The following LINGO2 variants were observed in gnomAD, a reference collection of about 807,000 sequenced individuals.
LINGO2 encodes the protein leucine-rich repeat and immunoglobulin-like domain-containing nogo receptor-interacting protein 2.
In LINGO2, 14 loss-of-function variants were observed where a neutral mutation model predicts 30.6. The ratio of observed to expected loss-of-function variants is 0.46; its 90% confidence interval spans 0.30 to 0.72. LINGO2 has a LOEUF of 0.72. LINGO2 is among the 30% of genes least tolerant of loss of function. The pLI, the probability that LINGO2 is intolerant of heterozygous loss-of-function variation, is 0.07. For missense variants in LINGO2, 729 were observed against 751.7 expected (o/e 0.97, Z 0.35); for synonymous variants, 317 against 288.5 (o/e 1.10, Z -1.00).
chr9:28,717,768 G>A, the LINGO2 span, among the ~76,000 whole-genome samples: 37 of 151,794 alleles, frequency 2.4e-4, no homozygotes, highest in South Asian at 5.0e-3. Context: ...ATGACTCCTC[G>A]CTTCTCAGAT....
intron 4 of LINGO2, among the ~76,000 whole-genome samples, chr9:28,122,544 CA>C (rs1030055701): frequency 1.4e-4 from 21 of 152,146 alleles, no homozygotes; most frequent in African/African-American, 4.3e-4. Flanking sequence ...GAATGAGAAC[CA>C]CAGATGTTTG....
chr9:27,972,103 G>C (rs1433802829), intron 5 of LINGO2, among the ~76,000 whole-genome samples: 1 of 152,040 alleles, frequency 6.6e-6, no homozygotes, highest in Non-Finnish European at 1.5e-5. Flanking sequence ...TTATAAAAAG[G>C]AATTAAAAAA....
chr9:28,263,546 T>C (rs993438344), intron 4 of LINGO2, among the ~76,000 whole-genome samples: 5 of 151,984 alleles, frequency 3.3e-5, no homozygotes, highest in African/African-American at 1.2e-4. Flanking sequence ...AATATCACTT[T>C]CTATTTAATT....
rs562416728 is a variant in LINGO2 at position 27,988,297 on chromosome 9, C to T, written c.-36+24058G>A. ...CAAGTCTTTGCTATTGTGAATAGTG[C>T]CACAATAAACATATGTGTGCATGTG... On this transcript the variant is annotated intron_variant, in intron 5 of 5. Coordinates refer to ENST00000379992, the Ensembl canonical transcript of LINGO2. 2.6e-5 allele frequency among the ~76,000 whole-genome samples: 4 copies of T among 152,084 alleles called. No homozygotes were observed. The South Asian group carries it at 8.3e-4, about 32-fold the overall frequency.
intron 4 of LINGO2, among the ~76,000 whole-genome samples, chr9:28,283,760 T>A (rs996903335): frequency 1.3e-5 from 2 of 152,162 alleles, no homozygotes; most frequent in Non-Finnish European, 2.9e-5. Context: ...AAAATACCTG[T>A]ATTAAGGCTG....
At chr9:28,219,803 G>A (rs1019425872) in intron 4 of LINGO2, among the ~76,000 whole-genome samples, 1 of 152,086 alleles carries the variant, frequency 6.6e-6, no homozygotes, top group Non-Finnish European at 1.5e-5. Flanking sequence ...AAATTATATT[G>A]TGAAATGCTA....
intron 4 of LINGO2, among the ~76,000 whole-genome samples, chr9:28,207,705 G>A (rs1820455678): frequency 6.6e-6 from 1 of 152,102 alleles, no homozygotes; most frequent in African/African-American, 2.4e-5. Flanking sequence ...TCTGGAATAT[G>A]AGATTTATGA....
the LINGO2 span, among the ~76,000 whole-genome samples, chr9:28,871,779 A>C: frequency 6.6e-6 from 1 of 151,950 alleles, no homozygotes; most frequent in African/African-American, 2.4e-5. Flanking sequence ...CTGATGCATT[A>C]ACTGGGTGAA....
Position 28,289,941 on chromosome 9 carries a change from C to T in LINGO2, c.-87+5267G>A, listed in dbSNP as rs183346538. Reference sequence around the variant, plus strand: ...TTCCCCATGCCCTTCATACAAATTCCTCCTGGCTCACTGATGCCTGAAATT... The same window carrying T: ...TTCCCCATGCCCTTCATACAAATTCTTCCTGGCTCACTGATGCCTGAAATT... On this transcript the variant is annotated intron_variant, in intron 4 of 5. Coordinates refer to ENST00000379992, the Ensembl canonical transcript of LINGO2. 5.9e-5 allele frequency among the ~76,000 whole-genome samples: 9 copies of T among 152,294 alleles called. No homozygotes were observed. In the South Asian group the frequency reaches 6.2e-4, roughly 11 times the overall value.
At chr9:29,093,029 G>GTGTATATATATA in the LINGO2 span, among the ~76,000 whole-genome samples, 2 of 98,546 alleles carry the variant, frequency 2.0e-5, no homozygotes, top group African/African-American at 7.9e-5. Flanking sequence ...TAATGTGTGT[G>GTGTATATATATA]TATATATATA....
the LINGO2 span, among the ~76,000 whole-genome samples, chr9:29,103,185 A>T: frequency 1.3e-5 from 2 of 152,096 alleles, no homozygotes; most frequent in Non-Finnish European, 2.9e-5. Flanking sequence ...CTCAAGCAAG[A>T]GTTATGTTTC....
the LINGO2 span, among the ~76,000 whole-genome samples, chr9:29,027,118 T>TA: frequency 4.1e-4 from 62 of 152,062 alleles, no homozygotes; most frequent in African/African-American, 1.4e-3. Context: ...AGAAAATGGG[T>TA]AAAAAAATAT....
At chr9:28,202,577 G>T (rs1444618117) in intron 4 of LINGO2, among the ~76,000 whole-genome samples, 2 of 152,020 alleles carry the variant, frequency 1.3e-5, no homozygotes, top group Non-Finnish European at 2.9e-5. Context: ...CCGCCAGAAA[G>T]GATTTGCACT....
chr9:28,438,851 A>T (rs1478651756), intron 2 of LINGO2, among the ~76,000 whole-genome samples: 2 of 138,500 alleles, frequency 1.4e-5, no homozygotes, highest in African/African-American at 5.7e-5. Flanking sequence ...TATATATATA[A>T]TGAGATATAT....
chr9:28,036,085 G>A (rs902159567), intron 4 of LINGO2, among the ~76,000 whole-genome samples: 1 of 152,176 alleles, frequency 6.6e-6, no homozygotes, highest in Non-Finnish European at 1.5e-5. Context: ...AAGTGTTAAA[G>A]AATTTAAATG....
At chr9:28,772,344 C>T in the LINGO2 span, among the ~76,000 whole-genome samples, 2 of 152,130 alleles carry the variant, frequency 1.3e-5, no homozygotes, top group Non-Finnish European at 2.9e-5. Context: ...CTTTGGCTTC[C>T]TTCTCTCTGT....
chr9:28,470,729 A>G (rs1225781855), intron 2 of LINGO2, among the ~76,000 whole-genome samples: 1 of 152,136 alleles, frequency 6.6e-6, no homozygotes, highest in African/African-American at 2.4e-5. Flanking sequence ...AACAGGACAA[A>G]AATTGATAGA....
intron 2 of LINGO2, among the ~76,000 whole-genome samples, chr9:28,429,725 C>T (rs1199238139): frequency 3.3e-5 from 5 of 152,154 alleles, no homozygotes; most frequent in Admixed American, 3.3e-4. Flanking sequence ...TAAAGTACTT[C>T]CATTTTCTCA....
At chr9:28,738,988 C>A in the LINGO2 span, among the ~76,000 whole-genome samples, 1 of 151,884 alleles carries the variant, frequency 6.6e-6, no homozygotes, top group Non-Finnish European at 1.5e-5. Context: ...TGCGTTTTGT[C>A]AATTTTAATA....
Sources: allele counts gnomAD v4.1 joint callset (sites outside exome capture counted in the v4.1 genomes callset), GRCh38; gene constraint gnomAD v4.1.1; transcripts MANE v1.5; gene names NCBI Gene and HGNC (gene_info 2026-07-23, HGNC 2026-07-21).